Variants in PDE10A observed in about 807,000 individuals in gnomAD.
The protein encoded by PDE10A is cAMP and cAMP-inhibited cGMP 3',5'-cyclic phosphodiesterase 10A.
Under a neutral mutation model 97.7 loss-of-function variants are expected in PDE10A, and 39 were observed. That is an observed-to-expected ratio of 0.40 (90% CI 0.31 to 0.52). PDE10A has a LOEUF of 0.52. Among genes scored for constraint, PDE10A ranks in the 20% least tolerant of loss-of-function variants. The probability of loss-of-function intolerance (pLI) is 0.56; values close to 1 mark genes in which losing one functional copy is unlikely to be tolerated. For synonymous variants in PDE10A, 371 were observed against 376.8 expected (o/e 0.98, Z 0.18); for missense variants, 731 against 1,047.8 (o/e 0.70, Z 4.17).
At chr6:165,631,188 T>G (rs1015942349) in intron 1 of PDE10A, among the ~76,000 whole-genome samples, 5 of 152,230 alleles carry the variant, frequency 3.3e-5, no homozygotes, top group African/African-American at 1.2e-4. Context: ...TTTCATATGT[T>G]ATTAAGATTA....
At chr6:165,817,073 G>A (rs928158573) in intron 1 of PDE10A, among the ~76,000 whole-genome samples, 7 of 152,152 alleles carry the variant, frequency 4.6e-5, no homozygotes, top group Admixed American at 2.0e-4. Flanking sequence ...CCGTGCTCAG[G>A]AAGGTTAGAA....
intron 1 of PDE10A, among the ~76,000 whole-genome samples, chr6:165,618,697 T>C (rs2983498): frequency 1.3e-5 from 2 of 151,910 alleles, no homozygotes; most frequent in South Asian, 4.1e-4. Flanking sequence ...TCTCGTCCTC[T>C]CTCCTGTCCC....
At chr6:165,893,074 T>C (rs919389234) in intron 1 of PDE10A, among the ~76,000 whole-genome samples, 2 of 152,226 alleles carry the variant, frequency 1.3e-5, no homozygotes, top group Admixed American at 1.3e-4. Flanking sequence ...AAGGAGTTGA[T>C]GTTTTCATTT....
intron 18 of PDE10A, among the ~76,000 whole-genome samples, chr6:165,347,778 C>T (rs986855804): frequency 6.6e-6 from 1 of 152,152 alleles, no homozygotes; most frequent in Non-Finnish European, 1.5e-5. Flanking sequence ...TACAGTCCTA[C>T]AGCAGGTAAA....
chr6:165,592,037 G>A (rs971769807), intron 1 of PDE10A, among the ~76,000 whole-genome samples: 6 of 152,082 alleles, frequency 3.9e-5, no homozygotes, highest in African/African-American at 7.2e-5. Flanking sequence ...GAGGCATCAC[G>A]TTCCCTGACT....
At chr6:165,881,689 T>G (rs1781484172) in intron 1 of PDE10A, among the ~76,000 whole-genome samples, 1 of 151,742 alleles carries the variant, frequency 6.6e-6, no homozygotes, top group Non-Finnish European at 1.5e-5. Context: ...CATGAGCCAC[T>G]GAGCCCAGCC....
intron 1 of PDE10A, among the ~76,000 whole-genome samples, chr6:165,943,421 G>A (rs1783653868): frequency 6.6e-6 from 1 of 152,026 alleles, no homozygotes; most frequent in Non-Finnish European, 1.5e-5. Context: ...ATTTATGATG[G>A]GAATGGCTCA....
In PDE10A at chr6:165,661,809, A is replaced by C; in HGVS notation, c.865+138T>G. 2.0e-6 allele frequency: 1 copy of C among 506,864 alleles called. No individual in the cohort carries two copies. The highest frequency in any genetic ancestry group is 3.6e-6 in the Non-Finnish European group (1 of 277,974). The allele number at this position is 506,864 out of a possible 1,614,324, so 31.4% of individuals were successfully genotyped here. A position where few individuals can be genotyped will look rare whatever the true frequency, so the allele number is the denominator to read the frequency against. On this transcript the variant is annotated intron_variant, in intron 1 of 21. Coordinates refer to ENST00000539869, the MANE Select transcript of PDE10A (RefSeq NM_001385079.1). The surrounding 1 kb of genome is among the most constrained non-coding windows in gnomAD (Gnocchi z 4.8). Reference sequence around the variant, plus strand: ...GCACCGGCTCCTGCCCCTCCAGAGAAGCCCCCTGGGCGCTCCACGCCCGGG... The same window carrying C: ...GCACCGGCTCCTGCCCCTCCAGAGACGCCCCCTGGGCGCTCCACGCCCGGG...
At chr6:165,926,643 A>G (rs1782942547) in intron 1 of PDE10A, among the ~76,000 whole-genome samples, 1 of 152,242 alleles carries the variant, frequency 6.6e-6, no homozygotes, top group Non-Finnish European at 1.5e-5. Flanking sequence ...ACTGGCAATT[A>G]GAGCACAGCA....
chr6:165,374,230 T>G (rs1425098521), intron 18 of PDE10A, among the ~76,000 whole-genome samples: 1 of 151,584 alleles, frequency 6.6e-6, no homozygotes, highest in Non-Finnish European at 1.5e-5. Flanking sequence ...TGAAGTATGA[T>G]AATAATAATA....
intron 1 of PDE10A, among the ~76,000 whole-genome samples, chr6:165,674,769 G>A (rs902417068): frequency 1.3e-5 from 2 of 152,210 alleles, no homozygotes; most frequent in Non-Finnish European, 2.9e-5. Flanking sequence ...TACATAGTCA[G>A]TTGCCTCTGA....
intron 1 of PDE10A, among the ~76,000 whole-genome samples, chr6:165,648,791 G>A (rs938132124): frequency 3.9e-5 from 6 of 152,176 alleles, no homozygotes; most frequent in South Asian, 2.1e-4. Context: ...CAGTCAGATC[G>A]CCTGAGAAAT....
At chr6:165,351,009 A>C (rs149000266) in intron 18 of PDE10A, among the ~76,000 whole-genome samples, 1 of 152,190 alleles carries the variant, frequency 6.6e-6, no homozygotes, top group East Asian at 1.9e-4. Flanking sequence ...ACTGTCTAAG[A>C]ATCGATTTCT....
intron 1 of PDE10A, among the ~76,000 whole-genome samples, chr6:165,818,957 G>T (rs1779493113): frequency 1.3e-5 from 2 of 152,152 alleles, no homozygotes; most frequent in Admixed American, 6.5e-5. Context: ...TTATTTATAG[G>T]TCTAAAATAT....
At chr6:165,379,130 TTAAG>T in intron 18 of PDE10A, 60 bp downstream of exon 18, 2 of 1,111,128 alleles carry the variant, frequency 1.8e-6, no homozygotes, top group Non-Finnish European at 2.6e-6. Flanking sequence ...ATTACATTTC[TTAAG>T]TATCAATTTA....
intron 3 of PDE10A, among the ~76,000 whole-genome samples, chr6:165,482,097 C>T (rs1003671825): frequency 6.6e-6 from 1 of 152,156 alleles, no homozygotes; most frequent in African/African-American, 2.4e-5. Context: ...CACGTGCAGC[C>T]GAACAAAATG....
intron 1 of PDE10A, among the ~76,000 whole-genome samples, chr6:165,562,717 A>G (rs1399009980): frequency 6.6e-6 from 1 of 152,176 alleles, no homozygotes; most frequent in Non-Finnish European, 1.5e-5. Flanking sequence ...ACTAGGCCTA[A>G]AGATCCTTGA....
chr6:165,877,502 A>G (rs1306259818), intron 1 of PDE10A, among the ~76,000 whole-genome samples: 1 of 152,200 alleles, frequency 6.6e-6, no homozygotes, highest in Non-Finnish European at 1.5e-5. Flanking sequence ...TCTCGCTTCC[A>G]AATATCCTTT....
intron 1 of PDE10A, among the ~76,000 whole-genome samples, chr6:165,554,766 A>C (rs999293010): frequency 3.3e-5 from 5 of 152,210 alleles, no homozygotes; most frequent in East Asian, 1.9e-4. Context: ...GAAGCAACCT[A>C]AGTATCCATC....
Sources: gnomAD v4.1 joint callset for allele counts (sites outside exome capture counted in the v4.1 genomes callset) on GRCh38, gnomAD v4.1.1 for gene constraint, Gnocchi (gnomAD v3.1) non-coding constraint, MANE v1.5 for transcripts, NCBI Gene and HGNC (gene_info 2026-07-23, HGNC 2026-07-21) for gene names.